The following LYSMD1 variants were observed in gnomAD, a reference collection of about 807,000 sequenced individuals.
LYSMD1 encodes LysM domain containing 1.
LYSMD1 carries 9 observed loss-of-function variants against 19.3 expected under a neutral mutation model. The ratio of observed to expected loss-of-function variants is 0.47; its 90% confidence interval spans 0.28 to 0.81. LYSMD1 has a LOEUF of 0.81. Ranked by LOEUF, LYSMD1 falls within the 40% of genes least tolerant of loss-of-function variation. The probability of loss-of-function intolerance (pLI) is 0.11; values close to 1 mark genes in which losing one functional copy is unlikely to be tolerated. For missense variants in LYSMD1, 262 were observed against 279.8 expected (o/e 0.94, Z 0.45); for synonymous variants, 111 against 111.7 (o/e 0.99, Z 0.04).
At chr1:151,154,801 A>G (rs1470533673), downstream of LYSMD1, among the ~76,000 whole-genome samples, 2 of 152,016 alleles carry the variant, frequency 1.3e-5, no homozygotes, top group Non-Finnish European at 1.5e-5. Flanking sequence ...ATGTGCCATC[A>G]TGCCCAGCTA....
chr1:151,157,397 G>A (rs1025825626), downstream of LYSMD1, among the ~76,000 whole-genome samples: 13 of 152,202 alleles, frequency 8.5e-5, no homozygotes, highest in Admixed American at 5.2e-4. Context: ...CAGAGCAGAG[G>A]AGGGGGAAGT....
intron 2 of LYSMD1, among the ~76,000 whole-genome samples, chr1:151,161,416 G>C (rs1683448678): frequency 6.6e-6 from 1 of 151,804 alleles, no homozygotes; most frequent in Non-Finnish European, 1.5e-5. Context: ...AGAATGGCGT[G>C]AACCTGGGAG....
Position 151,165,306 on chromosome 1 carries a change from C to A in LYSMD1, c.-48G>T. On this transcript the variant is annotated 5_prime_UTR_variant, in exon 1 of 3. Transcript: ENST00000368908. ...AGGTTGCAACTAGGGGAGGTACGAC[C>A]GAGACTGCGACTGACAGGCCTGAAG... is the stretch of plus-strand genomic sequence containing the variant. The A allele has an allele frequency of 1.3e-6, 2 of 1,584,034 alleles. No individual in the cohort carries two copies. Among genetic ancestry groups the A allele is most frequent in the South Asian group, 2.3e-5 (2 of 87,826 alleles).
intron 1 of LYSMD1, among the ~76,000 whole-genome samples, chr1:151,164,029 G>A (rs904051467): frequency 6.6e-6 from 1 of 151,936 alleles, no homozygotes; most frequent in Non-Finnish European, 1.5e-5. Flanking sequence ...GAGTAGCTGG[G>A]ATTACAGGTG....
rs1683658702 is a variant in LYSMD1 at position 151,165,648 on chromosome 1, CG to C, written c.-391del. On this transcript the variant is annotated 5_prime_UTR_variant, in exon 1 of 3. Coordinates refer to ENST00000368908, the MANE Select transcript of LYSMD1 (RefSeq NM_212551.5). Reference sequence around the variant, plus strand: ...CCAACATCCCAGCTCTCCCCGGTCCCGGGGTTTGTTTGCTAGAGTCAGGAAC... The same window carrying C: ...CCAACATCCCAGCTCTCCCCGGTCCCGGGTTTGTTTGCTAGAGTCAGGAAC... The C allele has an allele frequency of 6.5e-7, 1 of 1,547,964 alleles. No homozygotes were observed. Among genetic ancestry groups the C allele is most frequent in the Admixed American group, 2.0e-5 (1 of 50,956 alleles).
Position 151,162,103 on chromosome 1 carries a change from T to TAAA in LYSMD1, c.181-6_181-4dup. 3 of 1,483,780 alleles carry TAAA rather than the reference T, an allele frequency of 2.0e-6. No individual in the cohort carries two copies. Among genetic ancestry groups the TAAA allele is most frequent in the South Asian group, 1.3e-5 (1 of 78,360 alleles). The allele number at this position is 1,483,780 out of a possible 1,614,324, so 91.9% of individuals were successfully genotyped here. A position where few individuals can be genotyped will look rare whatever the true frequency, so the allele number is the denominator to read the frequency against. Reference sequence around the variant, plus strand: ...TTTGCACGTTTAATCTGTTCCATCTTAAAAAAAAAAGTCACCAAAATTAAG... The same window carrying TAAA: ...TTTGCACGTTTAATCTGTTCCATCTTAAAAAAAAAAAAAGTCACCAAAATTAAG... On this transcript the variant is annotated splice_polypyrimidine_tract_variant and splice_region_variant and intron_variant, in intron 1 of 2. Transcript: ENST00000368908.
chr1:151,149,280 C>T, the LYSMD1 span, among the ~76,000 whole-genome samples: 5 of 152,212 alleles, frequency 3.3e-5, no homozygotes, highest in East Asian at 9.6e-4. Flanking sequence ...CCTGCAATCC[C>T]AGCTACTCAG....
rs1683386705 is a variant in LYSMD1 at position 151,160,233 on chromosome 1, G to T, written c.*649C>A. On this transcript the variant is annotated 3_prime_UTR_variant, in exon 3 of 3. Coordinates refer to ENST00000368908, the MANE Select transcript of LYSMD1 (RefSeq NM_212551.5). ...GACTGAGCCCATTCAACAGGAATGGGGTACCAAAAAAAAAAAAAAAAAGAA... is the reference window on the plus strand; with the variant it reads ...GACTGAGCCCATTCAACAGGAATGGTGTACCAAAAAAAAAAAAAAAAAGAA... 2.2e-4 allele frequency: 1 copy of T among 4,544 alleles called. No individual in the cohort carries two copies. Among genetic ancestry groups the T allele is most frequent in the African/African-American group, 4.5e-4 (1 of 2,202 alleles). The allele number at this position is 4,544 out of a possible 1,614,324, so 0.3% of individuals were successfully genotyped here.
intron 2 of LYSMD1, among the ~76,000 whole-genome samples, 194 bp from the exon 3 acceptor site, chr1:151,161,214 T>C: frequency 6.6e-6 from 1 of 152,174 alleles, no homozygotes; most frequent in East Asian, 1.9e-4. Context: ...CAGTTAACTG[T>C]CAGCTGGCCG....
chr1:151,165,559 T>G lies in LYSMD1; in HGVS notation c.-301A>C. 6.8e-7 allele frequency: 1 copy of G among 1,465,084 alleles called. No individual in the cohort carries two copies. The highest frequency in any genetic ancestry group is 9.0e-7 in the Non-Finnish European group (1 of 1,114,418). 90.8% of individuals were successfully genotyped at this position (1,465,084 alleles called of 1,614,324 possible). Reference sequence around the variant, plus strand: ...CTACATTGACCTCTGACCTTTGAACTCTAGAAATAATCCTCAACACTCTTT... The same window carrying G: ...CTACATTGACCTCTGACCTTTGAACGCTAGAAATAATCCTCAACACTCTTT... On this transcript the variant is annotated 5_prime_UTR_variant, in exon 1 of 3. Transcript: ENST00000368908.
chr1:151,163,542 T>G (rs1683532135), intron 1 of LYSMD1, among the ~76,000 whole-genome samples: 1 of 152,174 alleles, frequency 6.6e-6, no homozygotes, highest in South Asian at 2.1e-4. Context: ...TTCTTTCTTT[T>G]TTTGGAGACA....
In LYSMD1 at chr1:151,165,413, C is replaced by A; in HGVS notation, c.-155G>T. The A allele has an allele frequency of 6.9e-7, 1 of 1,439,650 alleles. No homozygotes were observed. Among genetic ancestry groups the A allele is most frequent in the Non-Finnish European group, 9.1e-7 (1 of 1,101,114 alleles). The allele number at this position is 1,439,650 out of a possible 1,614,324, so 89.2% of individuals were successfully genotyped here. A position where few individuals can be genotyped will look rare whatever the true frequency, so the allele number is the denominator to read the frequency against. On this transcript the variant is annotated 5_prime_UTR_variant, in exon 1 of 3. Transcript: ENST00000368908. ...GCCTCCCCAGCACTACGCCATCTGC[C>A]CCCTCCCGGTTTCTCCTCCCTCCAA... is the stretch of plus-strand genomic sequence containing the variant.
At chr1:151,158,183 C>T (rs1025289537), downstream of LYSMD1, among the ~76,000 whole-genome samples, 4 of 151,946 alleles carry the variant, frequency 2.6e-5, no homozygotes, top group East Asian at 1.9e-4. Context: ...ATTAGCCGGG[C>T]GTGGTGGTGG....
intron 1 of LYSMD1, among the ~76,000 whole-genome samples, chr1:151,162,754 A>C (rs954423033): frequency 6.6e-6 from 1 of 152,190 alleles, no homozygotes; most frequent in Admixed American, 6.5e-5. Flanking sequence ...CACCATACCA[A>C]GTGGTCAACA....
At chr1:151,152,806 A>T in the LYSMD1 span, among the ~76,000 whole-genome samples, 1 of 152,066 alleles carries the variant, frequency 6.6e-6, no homozygotes, top group African/African-American at 2.4e-5. Context: ...CACTAAACTT[A>T]CTCTTTCTGA....
In LYSMD1 at chr1:151,160,742, G is replaced by T; in HGVS notation, c.*140C>A. Reference sequence around the variant, plus strand: ...ACTGCCCCAGGCCAAGGAATTTTTGGCAGACAAGGAGGCTGGGGAGGATGG... The same window carrying T: ...ACTGCCCCAGGCCAAGGAATTTTTGTCAGACAAGGAGGCTGGGGAGGATGG... On this transcript the variant is annotated 3_prime_UTR_variant, in exon 3 of 3. Transcript: ENST00000368908. 1 of 1,063,632 alleles carries T rather than the reference G, an allele frequency of 9.4e-7. No homozygotes were observed. Among genetic ancestry groups the T allele is most frequent in the Non-Finnish European group, 1.3e-6 (1 of 750,086 alleles). 65.9% of individuals were successfully genotyped at this position (1,063,632 alleles called of 1,614,324 possible).
At chr1:151,152,173 G>A in the LYSMD1 span, among the ~76,000 whole-genome samples, 3 of 152,058 alleles carry the variant, frequency 2.0e-5, no homozygotes, top group Admixed American at 1.3e-4. Context: ...CAAGGCAGGC[G>A]AATCATGAGG....
At position 151,165,283 on chromosome 1, in the gene LYSMD1, G is replaced by A. The variant is rs201097353; in HGVS notation, c.-25C>T. The A allele has an allele frequency of 1.2e-5, 19 of 1,604,676 alleles. No homozygotes were observed. In the East Asian group the frequency reaches 1.6e-4, roughly 13 times the overall value. On this transcript the variant is annotated 5_prime_UTR_variant, in exon 1 of 3. Coordinates refer to ENST00000368908, the MANE Select transcript of LYSMD1 (RefSeq NM_212551.5). ...TCTCTTCACCCTGCCAACAGCTAAG[G>A]TTGCAACTAGGGGAGGTACGACCGA...
At chr1:151,158,962 C>T (rs750403186), downstream of LYSMD1, 17 of 1,614,152 alleles carry the variant, frequency 1.1e-5, no homozygotes, top group Admixed American at 3.3e-5. Flanking sequence ...CCTGGCTACC[C>T]GCTTTCGCCA....
Sources: gnomAD v4.1 joint callset for allele counts (sites outside exome capture counted in the v4.1 genomes callset) on GRCh38, gnomAD v4.1.1 for gene constraint, MANE v1.5 for transcripts, NCBI Gene and HGNC (gene_info 2026-07-23, HGNC 2026-07-21) for gene names.